Variants in NELL1 observed in about 807,000 individuals in gnomAD.
NELL1 encodes protein kinase C-binding protein NELL1.
Under a neutral mutation model 107.4 loss-of-function variants are expected in NELL1, and 76 were observed. The ratio of observed to expected loss-of-function variants is 0.71; its 90% confidence interval spans 0.59 to 0.86. The LOEUF (loss-of-function observed/expected upper bound fraction) is 0.86, where lower values mean the gene tolerates loss of function less well. NELL1 is among the 40% of genes least tolerant of loss of function. The pLI, the probability that NELL1 is intolerant of heterozygous loss-of-function variation, is 0.00. For synonymous variants in NELL1, 353 were observed against 341.2 expected (o/e 1.03, Z -0.38); for missense variants, 1,024 against 1,005.5 (o/e 1.02, Z -0.25).
intron 3 of NELL1, among the ~76,000 whole-genome samples, chr11:20,832,957 A>G (rs1357849755): frequency 1.3e-5 from 2 of 152,186 alleles, no homozygotes; most frequent in Non-Finnish European, 2.9e-5. Context: ...TTTCCAGCTC[A>G]TGGTGGCTGG....
chr11:20,916,201 T>C (rs753600822), intron 5 of NELL1, among the ~76,000 whole-genome samples: 1 of 152,006 alleles, frequency 6.6e-6, no homozygotes, highest in East Asian at 1.9e-4. Context: ...TTTATTTCTG[T>C]TTTTTGTTCA....
chr11:21,569,891 G>T (rs1012279368), intron 17 of NELL1, among the ~76,000 whole-genome samples: 3 of 151,654 alleles, frequency 2.0e-5, no homozygotes, highest in African/African-American at 7.3e-5. Context: ...AGACTCTTTG[G>T]TTTTTTAAAA....
chr11:20,924,745 A>G (rs927046442), intron 7 of NELL1, among the ~76,000 whole-genome samples: 1 of 152,174 alleles, frequency 6.6e-6, no homozygotes, highest in Non-Finnish European at 1.5e-5. Context: ...AGGAATGCAG[A>G]TCTGGTTCAA....
chr11:21,289,154 A>C (rs1849195127), intron 14 of NELL1, among the ~76,000 whole-genome samples: 1 of 152,242 alleles, frequency 6.6e-6, no homozygotes, highest in Admixed American at 6.5e-5. Flanking sequence ...GGTGAGGAGC[A>C]CTATTGATGT....
intron 12 of NELL1, among the ~76,000 whole-genome samples, chr11:21,034,606 A>T (rs1257198838): frequency 6.6e-6 from 1 of 152,198 alleles, no homozygotes; most frequent in East Asian, 1.9e-4. Flanking sequence ...ACTCAAAACC[A>T]TACAGTTACA....
intron 2 of NELL1, among the ~76,000 whole-genome samples, chr11:20,707,254 C>G (rs146963897): frequency 1.5e-4 from 23 of 152,264 alleles, no homozygotes; most frequent in Middle Eastern, 3.4e-3. Flanking sequence ...TTTTAGTTAG[C>G]CATTCATCTA....
chr11:21,255,138 G>A (rs1309360752), intron 14 of NELL1, among the ~76,000 whole-genome samples: 1 of 152,076 alleles, frequency 6.6e-6, no homozygotes, highest in Non-Finnish European at 1.5e-5. Context: ...CCTGGGTGGA[G>A]TGGTCTTAAA....
intron 12 of NELL1, among the ~76,000 whole-genome samples, chr11:21,106,205 A>G (rs917124614): frequency 6.6e-6 from 1 of 151,996 alleles, no homozygotes; most frequent in African/African-American, 2.4e-5. Context: ...GAGGCAATAC[A>G]GACTGTGGAG....
At chr11:21,491,755 G>C (rs866350926) in intron 15 of NELL1, among the ~76,000 whole-genome samples, 1 of 152,044 alleles carries the variant, frequency 6.6e-6, no homozygotes, top group Non-Finnish European at 1.5e-5. Flanking sequence ...GTAGCTTGAT[G>C]GGGATGGCAC....
chr11:21,144,662 T>C (rs1257030237), intron 13 of NELL1, among the ~76,000 whole-genome samples: 1 of 152,182 alleles, frequency 6.6e-6, no homozygotes, highest in Non-Finnish European at 1.5e-5. Flanking sequence ...CTGCTGCTTT[T>C]AGCGTGACTG....
intron 5 of NELL1, among the ~76,000 whole-genome samples, chr11:20,896,602 G>GT (rs1849743439): frequency 6.6e-6 from 1 of 152,150 alleles, no homozygotes. Context: ...GTGTAAAAGT[G>GT]TTCCCTTTTT....
Position 20,760,880 on chromosome 11 carries a change from T to C in NELL1, c.185-22800T>C, listed in dbSNP as rs1856404640. ...CCACTGCCAGATTCCCAGGTCTCACTTGGCCCCTTTGGAAAATCGGGTCTG... is the reference window on the plus strand; with the variant it reads ...CCACTGCCAGATTCCCAGGTCTCACCTGGCCCCTTTGGAAAATCGGGTCTG... On this transcript the variant is annotated intron_variant, in intron 2 of 19. Coordinates refer to ENST00000357134, the MANE Select transcript of NELL1 (RefSeq NM_006157.5). Among the ~76,000 whole-genome samples, 4 of 152,216 alleles carry C rather than the reference T, an allele frequency of 2.6e-5. 1 individual carries two copies. In the South Asian group the frequency reaches 8.3e-4, roughly 32 times the overall value.
chr11:21,516,890 C>T (rs556312889), intron 15 of NELL1, among the ~76,000 whole-genome samples: 29 of 151,962 alleles, frequency 1.9e-4, no homozygotes, highest in East Asian at 9.7e-4. Context: ...GTGCAACCTC[C>T]GTCTCCCAGG....
chr11:21,068,822 A>C (rs1267499550), intron 12 of NELL1, among the ~76,000 whole-genome samples: 7 of 152,178 alleles, frequency 4.6e-5, no homozygotes, highest in Non-Finnish European at 1.0e-4. Flanking sequence ...GAATACCTAA[A>C]GTTTGCCTGA....
At chr11:20,997,389 C>A (rs182864076) in intron 12 of NELL1, among the ~76,000 whole-genome samples, 1 of 152,304 alleles carries the variant, frequency 6.6e-6, no homozygotes, top group East Asian at 1.9e-4. Context: ...GGATCAGATT[C>A]TATCACCCCA....
chr11:21,132,438 G>T (rs1855642477), intron 13 of NELL1, among the ~76,000 whole-genome samples: 1 of 152,138 alleles, frequency 6.6e-6, no homozygotes, highest in Non-Finnish European at 1.5e-5. Context: ...CATCTGTCAA[G>T]GGTGAGCCAG....
At chr11:21,063,610 T>A (rs144847383) in intron 12 of NELL1, among the ~76,000 whole-genome samples, 211 of 152,294 alleles carry the variant, frequency 1.4e-3, no homozygotes, top group African/African-American at 4.8e-3. Flanking sequence ...ATTTCAAGGA[T>A]TTTAGAAGCT....
chr11:21,111,236 G>A (rs1855100062), intron 12 of NELL1, among the ~76,000 whole-genome samples: 1 of 152,062 alleles, frequency 6.6e-6, no homozygotes, highest in African/African-American at 2.4e-5. Context: ...TTGCCTGTCT[G>A]CGAGGTCTAT....
intron 13 of NELL1, among the ~76,000 whole-genome samples, chr11:21,176,855 A>G (rs1399389281): frequency 6.6e-6 from 1 of 151,696 alleles, no homozygotes; most frequent in Non-Finnish European, 1.5e-5. Context: ...GGTATTTTGT[A>G]TTTTGTTATT....
Sources: gnomAD v4.1 joint callset for allele counts (sites outside exome capture counted in the v4.1 genomes callset) on GRCh38, gnomAD v4.1.1 for gene constraint, MANE v1.5 for transcripts, NCBI Gene and HGNC (gene_info 2026-07-23, HGNC 2026-07-21) for gene names.